TNFAIP2: variants seen among roughly 807,000 people sequenced by gnomAD.
TNFAIP2 encodes the protein TNF alpha induced protein 2.
A neutral mutation model predicts 63.5 loss-of-function variants in TNFAIP2; 47 were observed. The ratio of observed to expected loss-of-function variants is 0.74; its 90% confidence interval spans 0.59 to 0.94. The LOEUF (loss-of-function observed/expected upper bound fraction) is 0.94, where lower values mean the gene tolerates loss of function less well. Among genes scored for constraint, TNFAIP2 ranks in the 40% least tolerant of loss-of-function variants. TNFAIP2 has a pLI of 0.00. For synonymous variants in TNFAIP2, 405 were observed against 390.2 expected (o/e 1.04, Z -0.45); for missense variants, 787 against 850.2 (o/e 0.93, Z 0.92).
chr14:103,135,637 G>A lies in TNFAIP2; in HGVS notation c.*277G>A, dbSNP rs571054343. On this transcript the variant is annotated 3_prime_UTR_variant, in exon 12 of 12. Coordinates refer to ENST00000560869, the MANE Select transcript of TNFAIP2 (RefSeq NM_006291.4). This position sits in a 1 kb window ranked among gnomAD's most constrained non-coding sequence, Gnocchi z 7.6. ...GTAAACGATAGCTGATCGTGTGCAC[G>A]CAAGGAAAGAACCAGGAGGGAGAGT... The A allele has an allele frequency of 7.6e-6, 10 of 1,322,316 alleles. No individual in the cohort carries two copies. The highest frequency in any genetic ancestry group is 3.4e-5 in the East Asian group (1 of 29,720). The allele number at this position is 1,322,316 out of a possible 1,614,324, so 81.9% of individuals were successfully genotyped here. A position where few individuals can be genotyped will look rare whatever the true frequency, so the allele number is the denominator to read the frequency against.
chr14:103,126,776 G>T, intron 2 of TNFAIP2, 84 bp downstream of exon 2: 1 of 1,408,054 alleles, frequency 7.1e-7, no homozygotes, highest in Non-Finnish European at 9.6e-7. Context: ...CTTGCACAGT[G>T]GGCCGGCAAG....
In TNFAIP2 at chr14:103,127,133, C is replaced by T; in HGVS notation, c.364C>T (p.Gln122Ter). Residue 122 changes from glutamine to a stop codon, truncating the protein, a stop_gained, in exon 3 of 12, where the codon CAG (glutamine) becomes TAG (stop). Transcript: ENST00000560869. LOFTEE classifies it high-confidence loss of function. This position sits in a 1 kb window ranked among gnomAD's most constrained non-coding sequence, Gnocchi z 5.1. ...GAGCGAGGAGGAGCTGGTGCGGCGC[C>T]AGAGCAAGGTGGAGGCGCTGTACGA... ...GVSEEELVRR[Q>*]SKVEALYELL... The T allele has an allele frequency of 9.1e-7, 1 of 1,101,278 alleles. No homozygotes were observed. Among genetic ancestry groups the T allele is most frequent in the Non-Finnish European group, 1.1e-6 (1 of 903,474 alleles). 68.2% of individuals were successfully genotyped at this position (1,101,278 alleles called of 1,614,324 possible). A position where few individuals can be genotyped will look rare whatever the true frequency, so the allele number is the denominator to read the frequency against.
At chr14:103,133,576 C>T in intron 10 of TNFAIP2, 59 bp downstream of exon 10, 1 of 1,594,672 alleles carries the variant, frequency 6.3e-7, no homozygotes, top group Non-Finnish European at 8.6e-7. Context: ...TCTCCCCTAG[C>T]CCTTTCAGGG....
rs1222992648 is a variant in TNFAIP2 at position 103,126,655 on chromosome 14, C to T, written c.198C>T (p.Ala66=). Residue 66 remains alanine (A), a synonymous_variant, in exon 2 of 12, where the codon GCC becomes GCT. Transcript: ENST00000560869. The stretch of plus-strand genomic sequence containing the variant: ...GCTCAGCGGAGCCCGAGGACGCAGC[C>T]GGGTCCAGGCAGGGGCTGGATGGCC... The part of the protein sequence containing the change: ...QPSSAEPEDA[A]GSRQGLDGPP... 5 of 1,556,056 alleles carry T rather than the reference C, an allele frequency of 3.2e-6. No homozygotes were observed. The highest frequency in any genetic ancestry group is 1.2e-5 in the South Asian group (1 of 84,550).
intron 6 of TNFAIP2, 85 bp downstream of exon 6, chr14:103,130,500 G>A: frequency 7.8e-7 from 1 of 1,279,338 alleles, no homozygotes; most frequent in Non-Finnish European, 1.1e-6. Context: ...GGGGAGCTGA[G>A]CTGGATCCCC....
chr14:103,126,989 G>T lies in TNFAIP2; in HGVS notation c.236-16G>T. 8.2e-7 allele frequency: 1 copy of T among 1,223,734 alleles called. No homozygotes were observed. The highest frequency in any genetic ancestry group is 1.0e-6 in the Non-Finnish European group (1 of 980,010). 75.8% of individuals were successfully genotyped at this position (1,223,734 alleles called of 1,614,324 possible). A position where few individuals can be genotyped will look rare whatever the true frequency, so the allele number is the denominator to read the frequency against. On this transcript the variant is annotated splice_polypyrimidine_tract_variant and intron_variant, in intron 2 of 11. Coordinates refer to ENST00000560869, the MANE Select transcript of TNFAIP2 (RefSeq NM_006291.4). ...GGTGGGCTGGGGCCGGGGCTGACGCGGCTTTCCCGGCGCAGTGGAGGAGCT... is the reference window on the plus strand; with the variant it reads ...GGTGGGCTGGGGCCGGGGCTGACGCTGCTTTCCCGGCGCAGTGGAGGAGCT...
intron 1 of TNFAIP2, among the ~76,000 whole-genome samples, chr14:103,126,105 G>C (rs901059074): frequency 9.9e-5 from 15 of 152,224 alleles, no homozygotes; most frequent in African/African-American, 3.1e-4. Flanking sequence ...TATTGGAAGG[G>C]GAGCTGTAGA....
At position 103,131,729 on chromosome 14, in the gene TNFAIP2, C is replaced by G. The variant is rs1305908300; in HGVS notation, c.1389C>G (p.Asp463Glu). The change falls in exon 8 of 12, where the codon GAC becomes GAG. Residue 463 changes from aspartate (D) to glutamate (E), a missense_variant. Asp to Glu is a conservative substitution (Grantham distance 45). Coordinates refer to ENST00000560869, the MANE Select transcript of TNFAIP2 (RefSeq NM_006291.4). The surrounding 1 kb of genome is among the most constrained non-coding windows in gnomAD (Gnocchi z 4.0). Reference protein sequence around the residue: ...PLGELKSHGFDTLLQNLHEDL... With the variant: ...PLGELKSHGFETLLQNLHEDL... ...GTGAGCTCAAGAGCCACGGCTTTGA[C>G]ACCCTGCTCCAGAACCTGCATGAGG... 1 of 1,612,224 alleles carries G rather than the reference C, an allele frequency of 6.2e-7. No homozygotes were observed. Among genetic ancestry groups the G allele is most frequent in the Non-Finnish European group, 8.5e-7 (1 of 1,179,762 alleles).
chr14:103,132,938 G>T, intron 9 of TNFAIP2, 66 bp downstream of exon 9: 1 of 1,597,306 alleles, frequency 6.3e-7, no homozygotes, highest in Admixed American at 1.7e-5. Context: ...ACGCACACTA[G>T]CACGTCTGTG....
In TNFAIP2 at chr14:103,131,995, TGGGGCTGGG is replaced by T. The variant is rs2087986033; in HGVS notation, c.1422+234_1422+242del. 1.8e-4 allele frequency among the ~76,000 whole-genome samples: 1 copy of T among 5,524 alleles called. No homozygotes were observed. Among genetic ancestry groups the T allele is most frequent in the South Asian group, 3.5e-3 (1 of 286 alleles). The allele number at this position is 5,524 out of a possible 152,430, so 3.6% of individuals were successfully genotyped here. On this transcript the variant is annotated intron_variant, in intron 8 of 11. Transcript: ENST00000560869. The surrounding 1 kb of genome is among the most constrained non-coding windows in gnomAD (Gnocchi z 4.0). ...GGGGTTTCACCTGAGAGGGGCCGCC[TGGGGCTGGG>T]AGGGGCCGCCTGGGGCTGGGAGGGG... is the stretch of plus-strand genomic sequence containing the variant.
chr14:103,129,504 T>TG lies in TNFAIP2; in HGVS notation c.861-226dup, dbSNP rs35176857. Among the ~76,000 whole-genome samples the TG allele has an allele frequency of 7.7e-4, 99 of 129,370 alleles. 1 individual carries two copies. The East Asian group carries it at 0.013, about 17-fold the overall frequency. 84.9% of individuals were successfully genotyped at this position (129,370 alleles called of 152,430 possible). A position where few individuals can be genotyped will look rare whatever the true frequency, so the allele number is the denominator to read the frequency against. ...GGGGCTATTTTGGAGCAGGACCTAA[T>TG]GGGGGGGGGGTGGTGAGAGAGTCAG... On this transcript the variant is annotated intron_variant, in intron 3 of 11. Transcript: ENST00000560869.
Position 103,133,416 on chromosome 14 carries a change from A to G in TNFAIP2, c.1600A>G (p.Ser534Gly). Residue 534 changes from serine (S) to glycine (G), a missense_variant, in exon 10 of 12, where the codon AGC (serine) becomes GGC (glycine). Ser to Gly is a moderately conservative substitution (Grantham distance 56). Transcript: ENST00000560869. ...HLVKEYIIQL[S>G]KGRLVLKTAE... ...GGTGAAGGAGTACATCATCCAACTC[A>G]GCAAGGGGCGCCTGGTCCTCAAGAC... 1.9e-6 allele frequency: 3 copies of G among 1,613,952 alleles called. No individual in the cohort carries two copies. The highest frequency in any genetic ancestry group is 2.5e-6 in the Non-Finnish European group (3 of 1,180,018).
In TNFAIP2 at chr14:103,131,972, G is replaced by A. The variant is rs1328607347; in HGVS notation, c.1422+210G>A. Among the ~76,000 whole-genome samples the A allele has an allele frequency of 1.3e-5, 1 of 79,116 alleles. No individual in the cohort carries two copies. The highest frequency in any genetic ancestry group is 5.5e-5 in the African/African-American group (1 of 18,090). The allele number at this position is 79,116 out of a possible 152,430, so 51.9% of individuals were successfully genotyped here. On this transcript the variant is annotated intron_variant, in intron 8 of 11. Transcript: ENST00000560869. The surrounding 1 kb of genome is among the most constrained non-coding windows in gnomAD (Gnocchi z 4.0). ...CTGAACTCCGCCGATCATGTCCTGG[G>A]GTTTCACCTGAGAGGGGCCGCCTGG... is the stretch of plus-strand genomic sequence containing the variant.
In TNFAIP2 at chr14:103,129,765, G is replaced by T; in HGVS notation, c.886G>T (p.Val296Leu). 1 of 1,614,056 alleles carries T rather than the reference G, an allele frequency of 6.2e-7. No homozygotes were observed. The highest frequency in any genetic ancestry group is 1.1e-5 in the South Asian group (1 of 91,088). ...TGACATCATCAACAGCCCCAAGCTG[G>T]TGGGTGAGCTGCAGGGTATGGGGCT... ...PNDIINSPKL[V>L]GELQGMGLGS... Residue 296 changes from valine (V) to leucine (L), a missense_variant, in exon 4 of 12, where the codon GTG becomes TTG. Physicochemically the swap from Val to Leu is conservative, Grantham distance 32 (BLOSUM62 1). Around this residue, in one of 3 missense-constraint regions of TNFAIP2, gnomAD observed 523 missense variants for 604.1 expected, o/e 0.87. Transcript: ENST00000560869.
In TNFAIP2 at chr14:103,131,184, A is replaced by C. The variant is rs369687108; in HGVS notation, c.1298+34A>C. 6.2e-7 allele frequency: 1 copy of C among 1,608,140 alleles called. No individual in the cohort carries two copies. The highest frequency in any genetic ancestry group is 1.3e-5 in the African/African-American group (1 of 74,762). ...GTTGGGAGGGGCTTGCGGGAGTGGGAGTCACTCAGCGGGCAGGAGAGGGGA... is the reference window on the plus strand; with the variant it reads ...GTTGGGAGGGGCTTGCGGGAGTGGGCGTCACTCAGCGGGCAGGAGAGGGGA... On this transcript the variant is annotated intron_variant, in intron 7 of 11. Coordinates refer to ENST00000560869, the MANE Select transcript of TNFAIP2 (RefSeq NM_006291.4). The surrounding 1 kb of genome is among the most constrained non-coding windows in gnomAD (Gnocchi z 4.0).
In TNFAIP2 at chr14:103,127,474, G is replaced by A. The variant is rs1411219193; in HGVS notation, c.705G>A (p.Leu235=). Residue 235 remains leucine, a synonymous_variant, in exon 3 of 12, where the codon CTG becomes CTA. Transcript: ENST00000560869. The surrounding 1 kb of genome is among the most constrained non-coding windows in gnomAD (Gnocchi z 5.1). ...KEDLEAVVER[L]KPLFPAEFGV... is the part of the protein sequence containing the mutation. ...ACCTGGAGGCCGTGGTGGAGCGGCT[G>A]AAGCCGCTGTTCCCCGCCGAGTTCG... 1 of 1,587,084 alleles carries A rather than the reference G, an allele frequency of 6.3e-7. No individual in the cohort carries two copies. The highest frequency in any genetic ancestry group is 1.1e-5 in the South Asian group (1 of 89,426).
At chr14:103,124,794 G>A (rs1022455875) in intron 1 of TNFAIP2, among the ~76,000 whole-genome samples, 3 of 152,258 alleles carry the variant, frequency 2.0e-5, no homozygotes, top group African/African-American at 7.2e-5. Context: ...TCTTGGTCCT[G>A]GAGTGGAATG....
At position 103,127,658 on chromosome 14, in the gene TNFAIP2, C is replaced by T. The variant is rs180870742; in HGVS notation, c.860+29C>T. On this transcript the variant is annotated intron_variant, in intron 3 of 11. Coordinates refer to ENST00000560869, the MANE Select transcript of TNFAIP2 (RefSeq NM_006291.4). This position sits in a 1 kb window ranked among gnomAD's most constrained non-coding sequence, Gnocchi z 5.1. ...AGCAGACCAGGGGCTGGGCCCGGGC[C>T]GGCAGGGAGGGTGTCCTCTGTAGGA... The T allele has an allele frequency of 2.0e-4, 281 of 1,433,768 alleles. No homozygotes were observed. The highest frequency in any genetic ancestry group is 1.7e-3 in the Admixed American group (66 of 38,588). 88.8% of individuals were successfully genotyped at this position (1,433,768 alleles called of 1,614,324 possible).
intron 3 of TNFAIP2, among the ~76,000 whole-genome samples, chr14:103,128,924 G>A (rs2087914619): frequency 6.6e-6 from 1 of 152,230 alleles, no homozygotes. Flanking sequence ...AGGGTGCCCA[G>A]GGGGGCATCG....
Sources: allele counts gnomAD v4.1 joint callset (sites outside exome capture counted in the v4.1 genomes callset), GRCh38; gene constraint gnomAD v4.1.1; regional missense constraint gnomAD v4.1.1; non-coding constraint Gnocchi (gnomAD v3.1); transcripts MANE v1.5; gene names NCBI Gene and HGNC (gene_info 2026-07-23, HGNC 2026-07-21).